LOC400499: variants seen among roughly 807,000 people sequenced by gnomAD.
At chr16:11,386,064 C>T in the LOC400499 span, among the ~76,000 whole-genome samples, 1 of 152,154 alleles carries the variant, frequency 6.6e-6, no homozygotes, top group Non-Finnish European at 1.5e-5. Flanking sequence ...TACAAGTCAT[C>T]CATTTAATCT....
At chr16:11,393,178 G>A in the LOC400499 span, among the ~76,000 whole-genome samples, 2 of 139,246 alleles carry the variant, frequency 1.4e-5, no homozygotes, top group Non-Finnish European at 3.0e-5. Flanking sequence ...TTTTTAAGTA[G>A]AGACGGGGTC....
At chr16:11,390,287 G>A in the LOC400499 span, 12 of 1,232,782 alleles carry the variant, frequency 9.7e-6, no homozygotes, top group South Asian at 3.7e-4. Context: ...ACCAGCTCCA[G>A]GGCTCCTTTC....
At chr16:11,482,897 A>T in the LOC400499 span, among the ~76,000 whole-genome samples, 409 of 152,206 alleles carry the variant, frequency 2.7e-3, 1 homozygote, top group Non-Finnish European at 4.4e-3. Context: ...AACTCAAAAA[A>T]AAAAAAAAGG....
chr16:11,518,872 G>T, the LOC400499 span: 40 of 399,130 alleles, frequency 1.0e-4, no homozygotes, highest in African/African-American at 8.2e-4. Flanking sequence ...TCGTGAGCAG[G>T]TCCCAGCCCC....
the LOC400499 span, among the ~76,000 whole-genome samples, chr16:11,400,629 C>G: frequency 1.3e-5 from 2 of 152,024 alleles, no homozygotes; most frequent in East Asian, 3.9e-4. Flanking sequence ...TTAGTAGAGA[C>G]AGGATTTCGC....
the LOC400499 span, chr16:11,393,370 T>C: frequency 1.6e-6 from 2 of 1,232,030 alleles, no homozygotes; most frequent in Non-Finnish European, 2.0e-6. Flanking sequence ...CTAGCTGAGC[T>C]GGGACCCAGC....
At chr16:11,514,296 C>A in the LOC400499 span, 1 of 399,018 alleles carries the variant, frequency 2.5e-6, no homozygotes, top group Non-Finnish European at 4.4e-6. Flanking sequence ...CTGCTTGGGC[C>A]CCTCTGGCCA....
chr16:11,441,826 A>C, the LOC400499 span, among the ~76,000 whole-genome samples: 1 of 152,246 alleles, frequency 6.6e-6, no homozygotes, highest in Admixed American at 6.5e-5. Flanking sequence ...GAGCCTCCAG[A>C]AGGAACACAA....
the LOC400499 span, among the ~76,000 whole-genome samples, chr16:11,467,872 C>T: frequency 6.6e-6 from 1 of 152,146 alleles, no homozygotes; most frequent in Admixed American, 6.5e-5. Context: ...AGGGTCTTCA[C>T]ACATGATTAA....
chr16:11,417,875 T>C, the LOC400499 span: 1 of 398,596 alleles, frequency 2.5e-6, no homozygotes, highest in African/African-American at 2.1e-5. Context: ...GACCACCCTG[T>C]GCAGAGAGAG....
the LOC400499 span, among the ~76,000 whole-genome samples, chr16:11,519,884 G>A: frequency 0.015 from 2,250 of 152,036 alleles, 66 homozygotes; most frequent in African/African-American, 0.052. Flanking sequence ...TTTGTATTTA[G>A]TAGAGACAGG....
the LOC400499 span, among the ~76,000 whole-genome samples, chr16:11,489,763 G>A: frequency 8.7e-4 from 133 of 152,316 alleles, no homozygotes; most frequent in African/African-American, 3.0e-3. Context: ...AACTGCCAAG[G>A]CAGAGAGGTG....
the LOC400499 span, among the ~76,000 whole-genome samples, chr16:11,492,982 G>A: frequency 3.2e-4 from 49 of 152,170 alleles, no homozygotes; most frequent in Non-Finnish European, 5.1e-4. Flanking sequence ...GAGGAAAAGT[G>A]TACCAGGAAA....
the LOC400499 span, among the ~76,000 whole-genome samples, chr16:11,386,579 C>T: frequency 1.3e-5 from 2 of 152,214 alleles, no homozygotes; most frequent in African/African-American, 4.8e-5. Flanking sequence ...CCCCCTGCAT[C>T]AAGAACAGTA....
At chr16:11,472,385 G>T in the LOC400499 span, 1 of 151,892 alleles carries the variant, frequency 6.6e-6, no homozygotes, top group East Asian at 1.9e-4. Flanking sequence ...TAAAGATGGG[G>T]TTTTACCATA....
the LOC400499 span, chr16:11,383,647 T>C: frequency 8.1e-7 from 1 of 1,232,146 alleles, no homozygotes; most frequent in Non-Finnish European, 1.0e-6. Flanking sequence ...CTTACCACAC[T>C]GTGGAGGAGG....
the LOC400499 span, among the ~76,000 whole-genome samples, chr16:11,394,985 T>G: frequency 6.6e-6 from 1 of 152,222 alleles, no homozygotes; most frequent in Non-Finnish European, 1.5e-5. Context: ...TTACTAAACA[T>G]GCAGAAGCAT....
chr16:11,380,819 T>G, the LOC400499 span: 1 of 152,326 alleles, frequency 6.6e-6, no homozygotes, highest in South Asian at 2.1e-4. Context: ...ATGGCTGACG[T>G]AGCGGACTCA....
the LOC400499 span, among the ~76,000 whole-genome samples, chr16:11,379,662 G>A: frequency 1.3e-5 from 2 of 152,186 alleles, no homozygotes; most frequent in African/African-American, 4.8e-5. Context: ...CATTACTGAC[G>A]GGACTTCCCG....
Sources: gnomAD v4.1 joint callset for allele counts (sites outside exome capture counted in the v4.1 genomes callset) on GRCh38, gnomAD v4.1.1 for gene constraint, MANE v1.5 for transcripts.